The following PLEKHJ1 variants were observed in gnomAD, a reference collection of about 807,000 sequenced individuals.
PLEKHJ1 encodes the protein pleckstrin homology domain containing J1, also known as pleckstrin homology domain-containing family J member 1.
A neutral mutation model predicts 21.7 loss-of-function variants in PLEKHJ1; 20 were observed. The observed-to-expected ratio is 0.92, with a 90% confidence interval of 0.65 to 1.34. The LOEUF is 1.34. PLEKHJ1 is among the 40% of genes most tolerant of loss of function. The pLI is 0.00. For missense variants in PLEKHJ1, 241 were observed against 202.0 expected (o/e 1.19, Z -1.17); for synonymous variants, 113 against 80.6 (o/e 1.40, Z -2.15).
chr19:2,235,881 G>A (rs1409991187), intron 2 of PLEKHJ1, 42 bp downstream of exon 2: 2 of 1,594,380 alleles, frequency 1.3e-6, no homozygotes, highest in South Asian at 1.1e-5. Context: ...GCCTCCGAGG[G>A]GCCCAGCCTG....
chr19:2,230,215 C>T (rs748089417), downstream of PLEKHJ1: 42 of 418,940 alleles, frequency 1.0e-4, no homozygotes, highest in African/African-American at 4.3e-4. Context: ...GCTGACTAGA[C>T]GCTGACAACG....
chr19:2,233,754 C>A lies in PLEKHJ1; in HGVS notation c.*86G>T, dbSNP rs1252540508. On this transcript the variant is annotated 3_prime_UTR_variant, in exon 6 of 6. Transcript: ENST00000326631. Reference sequence around the variant, plus strand: ...CTGACCCAAAAACCAAAAACCAAAACAAAACAGATCCAGGCATGGCCAAGC... The same window carrying A: ...CTGACCCAAAAACCAAAAACCAAAAAAAAACAGATCCAGGCATGGCCAAGC... The A allele has an allele frequency of 1.2e-5, 16 of 1,359,754 alleles. No homozygotes were observed. Among genetic ancestry groups the A allele is most frequent in the Admixed American group, 2.1e-5 (1 of 47,916 alleles). 84.2% of individuals were successfully genotyped at this position (1,359,754 alleles called of 1,614,324 possible).
chr19:2,233,856 C>T lies in PLEKHJ1; in HGVS notation c.434G>A (p.Ser145Asn), dbSNP rs138430010. Reference sequence around the variant, plus strand: ...GCCCTGCGCTCACGCCTGCAAGCCACTCAGCTGGAACCTGGCCTCCTCGGA... The same window carrying T: ...GCCCTGCGCTCACGCCTGCAAGCCATTCAGCTGGAACCTGGCCTCCTCGGA... ...GISEEARFQL[S>N]GLQA The change falls in exon 6 of 6, where the codon AGT becomes AAT. Residue 145 changes from serine (S) to asparagine (N), a missense_variant. By Grantham distance (46) the Ser-to-Asn change is conservative. Coordinates refer to ENST00000326631, the MANE Select transcript of PLEKHJ1 (RefSeq NM_018049.3). 2.8e-4 allele frequency: 452 copies of T among 1,611,090 alleles called. 2 individuals are homozygous for T. The highest frequency in any genetic ancestry group is 2.1e-3 in the Middle Eastern group (12 of 5,818).
chr19:2,231,774 T>G, downstream of PLEKHJ1: 1 of 214,014 alleles, frequency 4.7e-6, no homozygotes, highest in African/African-American at 2.3e-5. Context: ...TTAAACACTG[T>G]ATTACTTCTG....
downstream of PLEKHJ1, chr19:2,230,387 C>T (rs540872904): frequency 1.2e-5 from 5 of 405,946 alleles, no homozygotes; most frequent in Middle Eastern, 6.2e-4. Flanking sequence ...ACCTTTACCC[C>T]GGCACTGTGA....
chr19:2,235,865 C>T, intron 2 of PLEKHJ1, 37 bp from the exon 3 acceptor site: 3 of 1,579,698 alleles, frequency 1.9e-6, no homozygotes, highest in East Asian at 2.3e-5. Flanking sequence ...GGGCAGTGAG[C>T]ACCCGGCCTC....
chr19:2,233,825 C>A lies in PLEKHJ1; in HGVS notation c.*15G>T. The A allele has an allele frequency of 1.3e-6, 2 of 1,594,920 alleles. No individual in the cohort carries two copies. On this transcript the variant is annotated 3_prime_UTR_variant, in exon 6 of 6. Coordinates refer to ENST00000326631, the MANE Select transcript of PLEKHJ1 (RefSeq NM_018049.3). ...CAGTCCCGTCCCGCTGCACGCTGACCACCGTGCCCTGCGCTCACGCCTGCA... is the reference window on the plus strand; with the variant it reads ...CAGTCCCGTCCCGCTGCACGCTGACAACCGTGCCCTGCGCTCACGCCTGCA...
rs1568383809 is a variant in PLEKHJ1, at chr19:2,233,801, A to AGTCCC, written c.*34_*38dup. On this transcript the variant is annotated 3_prime_UTR_variant, in exon 6 of 6. Transcript: ENST00000326631. ...AAGCGATTCATGGCTGGGCAGGGCC[A>AGTCCC]GTCCCGTCCCGCTGCACGCTGACCA... 6.4e-7 allele frequency: 1 copy of AGTCCC among 1,551,976 alleles called. No homozygotes were observed. Among genetic ancestry groups the AGTCCC allele is most frequent in the South Asian group, 1.1e-5 (1 of 87,176 alleles).
chr19:2,234,257 T>C lies in PLEKHJ1; in HGVS notation c.230-17A>G, dbSNP rs1053840642. 17 of 1,599,486 alleles carry C rather than the reference T, an allele frequency of 1.1e-5. No homozygotes were observed. Among genetic ancestry groups the C allele is most frequent in the Non-Finnish European group, 1.5e-5 (17 of 1,168,914 alleles). On this transcript the variant is annotated splice_polypyrimidine_tract_variant and intron_variant, in intron 3 of 5. Transcript: ENST00000326631. ...CAATGAAGCCTGGGGATGGAACACC[T>C]GTGGTCGGTCCTACCCACAGCCACA...
In PLEKHJ1 at chr19:2,236,324, A is replaced by G. The variant is rs1304847152; in HGVS notation, c.-76T>C. ...CGCTCAGGCTGGGGCCGGCGCCAAAAATGTCTCAGGGCGCAGACACGGAAG... is the reference window on the plus strand; with the variant it reads ...CGCTCAGGCTGGGGCCGGCGCCAAAGATGTCTCAGGGCGCAGACACGGAAG... On this transcript the variant is annotated 5_prime_UTR_variant, in exon 1 of 6. Coordinates refer to ENST00000326631, the MANE Select transcript of PLEKHJ1 (RefSeq NM_018049.3). 1.6e-5 allele frequency: 15 copies of G among 962,696 alleles called. No homozygotes were observed. The highest frequency in any genetic ancestry group is 7.0e-6 in the Non-Finnish European group (5 of 717,736). 59.6% of individuals were successfully genotyped at this position (962,696 alleles called of 1,614,324 possible). A position where few individuals can be genotyped will look rare whatever the true frequency, so the allele number is the denominator to read the frequency against.
downstream of PLEKHJ1, chr19:2,231,617 T>G: frequency 4.8e-6 from 1 of 206,334 alleles, no homozygotes. Flanking sequence ...TGCTCTCAGC[T>G]AGAAGGTGCT....
In PLEKHJ1 at chr19:2,234,041, C is replaced by T; in HGVS notation, c.341G>A (p.Ser114Asn). ...GATTTCGTTCCTGTAGAAGATGAGG[C>T]TTCTCCGCATGAACTCGTAGCTGGG... is the stretch of plus-strand genomic sequence containing the variant. Reference protein sequence around the residue: ...RRASYEFMRRSLIFYRNEIRK... With the variant: ...RRASYEFMRRNLIFYRNEIRK... Residue 114 changes from serine (S) to asparagine (N), a missense_variant, in exon 5 of 6, where the codon AGC becomes AAC. Transcript: ENST00000326631. 2.5e-6 allele frequency: 4 copies of T among 1,613,548 alleles called. No homozygotes were observed. The South Asian group carries it at 3.3e-5, about 13-fold the overall frequency.
Position 2,234,002 on chromosome 19 carries a change from C to A in PLEKHJ1, c.380G>T (p.Gly127Val). The change falls in exon 5 of 6, where the codon GGC (glycine) becomes GTC (valine). Residue 127 changes from glycine (G) to valine (V), a missense_variant. Gly to Val is a moderately radical substitution (Grantham distance 109). Coordinates refer to ENST00000326631, the MANE Select transcript of PLEKHJ1 (RefSeq NM_018049.3). ...FYRNEIRKVTGKDPLEQFGIS... is the reference protein window; with the variant it reads ...FYRNEIRKVTVKDPLEQFGIS... The stretch of plus-strand genomic sequence containing the variant: ...CCTCTGCAGCCCTGCACACACCTTG[C>A]CCGTCACCTTCCGGATTTCGTTCCT... The A allele has an allele frequency of 1.2e-6, 2 of 1,613,204 alleles. No individual in the cohort carries two copies. Among genetic ancestry groups the A allele is most frequent in the Admixed American group, 1.7e-5 (1 of 60,024 alleles).
At chr19:2,236,064 G>C (rs935586301) in intron 1 of PLEKHJ1, 74 bp from the exon 2 acceptor site, 36 of 1,435,688 alleles carry the variant, frequency 2.5e-5, no homozygotes, top group Non-Finnish European at 3.1e-5. Flanking sequence ...CCGGCGCCCC[G>C]ACCCGGACTC....
chr19:2,230,001 C>G, downstream of PLEKHJ1: 1 of 757,976 alleles, frequency 1.3e-6, no homozygotes, highest in South Asian at 1.9e-5. Context: ...AAGTATTTAT[C>G]ATTTTTTAAA....
chr19:2,231,615 G>A, downstream of PLEKHJ1: 1 of 207,800 alleles, frequency 4.8e-6, no homozygotes, highest in Non-Finnish European at 9.8e-6. Flanking sequence ...GGTGCTCTCA[G>A]CTAGAAGGTG....
chr19:2,230,959 G>A, downstream of PLEKHJ1: 1 of 258,224 alleles, frequency 3.9e-6, no homozygotes, highest in East Asian at 5.7e-5. Flanking sequence ...GGGCCAGGGT[G>A]CACTGCTGAA....
chr19:2,236,218 G>A lies in PLEKHJ1; in HGVS notation c.31C>T (p.Leu11=). 2 of 1,472,192 alleles carry A rather than the reference G, an allele frequency of 1.4e-6. No individual in the cohort carries two copies. The highest frequency in any genetic ancestry group is 1.5e-5 in the African/African-American group (1 of 68,016). 91.2% of individuals were successfully genotyped at this position (1,472,192 alleles called of 1,614,324 possible). A position where few individuals can be genotyped will look rare whatever the true frequency, so the allele number is the denominator to read the frequency against. Residue 11 remains leucine (L), a synonymous_variant, in exon 1 of 6, where the codon CTG becomes TTG. Coordinates refer to ENST00000326631, the MANE Select transcript of PLEKHJ1 (RefSeq NM_018049.3). The part of the protein sequence containing the change: MRYNEKELQA[L]SRQPAEMAAE... ...GCCATCTCGGCCGGCTGCCGGGACA[G>A]AGCCTGCAGCTCCTTCTCGTTGTAC...
chr19:2,233,777 A>G lies in PLEKHJ1; in HGVS notation c.*63T>C. 4 of 1,460,864 alleles carry G rather than the reference A, an allele frequency of 2.7e-6. No homozygotes were observed. In the East Asian group the frequency reaches 7.4e-5, roughly 27 times the overall value. 90.5% of individuals were successfully genotyped at this position (1,460,864 alleles called of 1,614,324 possible). On this transcript the variant is annotated 3_prime_UTR_variant, in exon 6 of 6. Transcript: ENST00000326631. ...AACAAAACAGATCCAGGCATGGCCA[A>G]GCGATTCATGGCTGGGCAGGGCCAG...
Sources: allele counts gnomAD v4.1 joint callset, GRCh38; gene constraint gnomAD v4.1.1; transcripts MANE v1.5; gene names NCBI Gene and HGNC (gene_info 2026-07-23, HGNC 2026-07-21).